MECOM: variants seen among roughly 807,000 people sequenced by gnomAD.
The protein encoded by MECOM is histone-lysine N-methyltransferase MECOM.
A neutral mutation model predicts 116.3 loss-of-function variants in MECOM; 13 were observed. That is an observed-to-expected ratio of 0.11 (90% CI 0.07 to 0.18). The LOEUF (loss-of-function observed/expected upper bound fraction) is 0.18. Among genes scored for constraint, MECOM ranks in the 10% least tolerant of loss-of-function variants. The pLI is 1.00. For missense variants in MECOM, 1,299 were observed against 1,509.0 expected (o/e 0.86, Z 2.31); for synonymous variants, 528 against 535.2 (o/e 0.99, Z 0.19).
intron 2 of MECOM, among the ~76,000 whole-genome samples, chr3:169,188,362 A>G (rs1401151099): frequency 1.3e-5 from 2 of 152,112 alleles, no homozygotes; most frequent in African/African-American, 2.4e-5. Context: ...AGAGAAACAG[A>G]GAGATAAATA....
intron 1 of MECOM, among the ~76,000 whole-genome samples, chr3:169,429,585 G>A (rs1741271387): frequency 6.6e-6 from 1 of 152,250 alleles, no homozygotes; most frequent in African/African-American, 2.4e-5. Context: ...AAAGTTTATA[G>A]GGAGAAAACA....
At chr3:169,444,255 G>A (rs1157786035) in intron 1 of MECOM, among the ~76,000 whole-genome samples, 8 of 151,942 alleles carry the variant, frequency 5.3e-5, no homozygotes, top group African/African-American at 1.2e-4. Context: ...CATCCTTCTC[G>A]TCACAGATTT....
At chr3:169,544,412 G>T (rs1025487361) in intron 1 of MECOM, among the ~76,000 whole-genome samples, 2 of 152,096 alleles carry the variant, frequency 1.3e-5, no homozygotes, top group Non-Finnish European at 2.9e-5. Flanking sequence ...TGGTATTTCT[G>T]GTTCTAGATC....
intron 1 of MECOM, among the ~76,000 whole-genome samples, chr3:169,573,708 TTCA>T (rs1357444898): frequency 6.6e-6 from 1 of 152,184 alleles, no homozygotes; most frequent in African/African-American, 2.4e-5. Context: ...AGAAAATATC[TTCA>T]TATCTCCCAA....
At chr3:169,516,692 G>T (rs551914000) in intron 1 of MECOM, among the ~76,000 whole-genome samples, 3 of 152,034 alleles carry the variant, frequency 2.0e-5, no homozygotes, top group Non-Finnish European at 2.9e-5. Flanking sequence ...TTAATTATCT[G>T]CTATAGATTC....
intron 14 of MECOM, 31 bp downstream of exon 14, chr3:169,092,927 A>G (rs763922731): frequency 6.2e-7 from 1 of 1,607,496 alleles, no homozygotes; most frequent in South Asian, 1.1e-5. Context: ...TTCAGTCGTC[A>G]CAGAGTTTAA....
At chr3:169,326,153 T>C (rs141617983) in intron 2 of MECOM, among the ~76,000 whole-genome samples, 30 of 150,170 alleles carry the variant, frequency 2.0e-4, no homozygotes, top group African/African-American at 7.1e-4. Context: ...ACAGTTGAAC[T>C]AGGCTTTGGA....
At chr3:169,097,961 T>C (rs1722261265) in intron 12 of MECOM, among the ~76,000 whole-genome samples, 1 of 152,068 alleles carries the variant, frequency 6.6e-6, no homozygotes, top group East Asian at 1.9e-4. Flanking sequence ...CTAATAGAAC[T>C]TTCCAGAAGG....
chr3:169,157,377 A>C (rs1339103652), intron 2 of MECOM, among the ~76,000 whole-genome samples: 1 of 152,232 alleles, frequency 6.6e-6, no homozygotes, highest in Non-Finnish European at 1.5e-5. Context: ...CTACATTGGA[A>C]ATCCTAAAAT....
intron 1 of MECOM, among the ~76,000 whole-genome samples, chr3:169,417,172 C>A (rs1440104119): frequency 6.6e-6 from 1 of 151,102 alleles, no homozygotes; most frequent in Non-Finnish European, 1.5e-5. Flanking sequence ...GAACAGGCAA[C>A]CTACAAAATG....
intron 1 of MECOM, among the ~76,000 whole-genome samples, chr3:169,443,724 A>C (rs981153777): frequency 6.6e-6 from 1 of 152,198 alleles, no homozygotes; most frequent in Non-Finnish European, 1.5e-5. Flanking sequence ...TCCCACTGAC[A>C]GTGCTGGGTC....
chr3:169,276,397 G>GA (rs1382380126), intron 2 of MECOM, among the ~76,000 whole-genome samples: 1 of 151,618 alleles, frequency 6.6e-6, no homozygotes, highest in Non-Finnish European at 1.5e-5. Flanking sequence ...ATTAAAAATA[G>GA]AAAAAATTAG....
At chr3:169,549,052 C>T (rs1761064821) in intron 1 of MECOM, among the ~76,000 whole-genome samples, 1 of 149,732 alleles carries the variant, frequency 6.7e-6, no homozygotes, top group African/African-American at 2.5e-5. Flanking sequence ...CAGCTCACTG[C>T]AACCTCCGCC....
At chr3:169,411,654 T>C (rs1296932873) in intron 1 of MECOM, among the ~76,000 whole-genome samples, 3 of 152,200 alleles carry the variant, frequency 2.0e-5, no homozygotes, top group Non-Finnish European at 1.5e-5. Context: ...GCCCAAAAGT[T>C]GCAAGGCCAG....
At chr3:169,432,926 TG>T (rs540383196) in intron 1 of MECOM, among the ~76,000 whole-genome samples, 107 of 152,340 alleles carry the variant, frequency 7.0e-4, no homozygotes, top group Non-Finnish European at 1.4e-3. Context: ...AAATTCTAAC[TG>T]TTTACTATGT....
chr3:169,147,344 C>G lies in MECOM; in HGVS notation c.376-3512G>C, dbSNP rs1001146531. ...ACCCTCACGGGATCGTCCCCTTTCG[C>G]AACTCCAAGCTCAGCCGCCGGGTTT... On this transcript the variant is annotated intron_variant, in intron 2 of 16. Coordinates refer to ENST00000651503, the MANE Select transcript of MECOM (RefSeq NM_004991.4). 1.7e-5 allele frequency: 17 copies of G among 985,370 alleles called. No individual in the cohort carries two copies. The African/African-American group carries it at 3.0e-4, about 17-fold the overall frequency. 61.0% of individuals were successfully genotyped at this position (985,370 alleles called of 1,614,324 possible).
intron 2 of MECOM, among the ~76,000 whole-genome samples, chr3:169,260,222 T>G (rs1006298333): frequency 6.6e-6 from 1 of 152,208 alleles, no homozygotes; most frequent in South Asian, 2.1e-4. Context: ...CAAAATTGGC[T>G]AGACTTACTC....
intron 2 of MECOM, among the ~76,000 whole-genome samples, chr3:169,214,115 G>A (rs1236984064): frequency 2.0e-5 from 3 of 152,028 alleles, no homozygotes; most frequent in Admixed American, 2.0e-4. Context: ...AATTGCTAAA[G>A]CATTTTGGTT....
chr3:169,107,992 G>T lies in MECOM; in HGVS notation c.2578-40C>A, dbSNP rs776023960. 8.2e-6 allele frequency: 13 copies of T among 1,578,700 alleles called. No homozygotes were observed. The South Asian group carries it at 1.5e-4, about 18-fold the overall frequency. On this transcript the variant is annotated intron_variant, in intron 9 of 16. Coordinates refer to ENST00000651503, the MANE Select transcript of MECOM (RefSeq NM_004991.4). ...GAAACAAAAACAAAAAATTACTTCT[G>T]TGTTGGTATCTTTATTGCAATCTAT...
Sources: gnomAD v4.1 joint callset for allele counts (sites outside exome capture counted in the v4.1 genomes callset) on GRCh38, gnomAD v4.1.1 for gene constraint, MANE v1.5 for transcripts, NCBI Gene and HGNC (gene_info 2026-07-23, HGNC 2026-07-21) for gene names.